The following IL1RAPL1 variants were observed in gnomAD, a reference collection of about 807,000 sequenced individuals.
IL1RAPL1 encodes the protein interleukin-1 receptor accessory protein-like 1.
In IL1RAPL1, 3 loss-of-function variants were observed where a neutral mutation model predicts 48.4. That is an observed-to-expected ratio of 0.06 (90% CI 0.03 to 0.16). IL1RAPL1 has a LOEUF of 0.16. Among genes scored for constraint, IL1RAPL1 ranks in the 10% least tolerant of loss-of-function variants. The pLI, the probability that IL1RAPL1 is intolerant of heterozygous loss-of-function variation, is 1.00. For synonymous variants in IL1RAPL1, 185 were observed against 187.7 expected (o/e 0.99, Z 0.12); for missense variants, 349 against 530.6 (o/e 0.66, Z 3.36).
At chrX:29,652,377 T>C (rs1430306038) in intron 5 of IL1RAPL1, among the ~76,000 whole-genome samples, 1 of 111,270 alleles carries the variant, frequency 9.0e-6, no homozygotes, top group African/African-American at 3.3e-5. Context: ...ACCTACAAGT[T>C]GACATCTGTG....
At chrX:29,592,567 T>C (rs1328000786) in intron 5 of IL1RAPL1, among the ~76,000 whole-genome samples, 2 of 111,868 alleles carry the variant, frequency 1.8e-5, no homozygotes, top group East Asian at 5.6e-4. Flanking sequence ...TATTTCTTTC[T>C]GGTTTACCTC....
chrX:28,951,765 C>T (rs1358515332), intron 2 of IL1RAPL1, among the ~76,000 whole-genome samples: 1 of 111,648 alleles, frequency 9.0e-6, no homozygotes, highest in Non-Finnish European at 1.9e-5. Context: ...CAATGTAGTT[C>T]ACTATAGTGG....
chrX:29,956,031 T>G lies in IL1RAPL1; in HGVS notation c.*211T>G, dbSNP rs1933414436. 1 of 422,363 alleles carries G rather than the reference T, an allele frequency of 2.4e-6. No homozygotes were observed. The highest frequency in any genetic ancestry group is 2.5e-5 in the African/African-American group (1 of 40,355). The allele number at this position is 422,363 out of a possible 1,213,427, so 34.8% of individuals were successfully genotyped here. The stretch of plus-strand genomic sequence containing the variant: ...ACCATGTCTTTTACCATTACATTTT[T>G]TGACTTTGTTTTATATGTCGTTGGA... On this transcript the variant is annotated 3_prime_UTR_variant, in exon 11 of 11. Coordinates refer to ENST00000378993, the MANE Select transcript of IL1RAPL1 (RefSeq NM_014271.4).
chrX:29,832,818 C>G (rs1158876596), intron 6 of IL1RAPL1, among the ~76,000 whole-genome samples: 4 of 108,912 alleles, frequency 3.7e-5, no homozygotes, highest in Admixed American at 9.9e-5. Context: ...AAGCCCCCCA[C>G]CTCCCTTTAC....
chrX:29,918,525 A>C (rs898417029), intron 7 of IL1RAPL1, among the ~76,000 whole-genome samples: 26 of 108,066 alleles, frequency 2.4e-4, no homozygotes, highest in Middle Eastern at 9.5e-3. Flanking sequence ...AAAAAAAAAA[A>C]ATTTTCACAG....
In IL1RAPL1 at chrX:29,792,317, T is replaced by G. The variant is rs191890129; in HGVS notation, c.778+123813T>G. Among the ~76,000 whole-genome samples the G allele has an allele frequency of 6.1e-4, 68 of 112,181 alleles. 1 individual carries two copies. In the Admixed American group the frequency reaches 6.4e-3, roughly 11 times the overall value. On this transcript the variant is annotated intron_variant, in intron 6 of 10. Transcript: ENST00000378993. ...TCTACCTCCAACTACTGGTCCTCAC[T>G]GAGTCTTGAAATCCCACATTTAGAG...
intron 6 of IL1RAPL1, among the ~76,000 whole-genome samples, chrX:29,811,324 G>T (rs1930377005): frequency 9.0e-6 from 1 of 110,754 alleles, no homozygotes; most frequent in Non-Finnish European, 1.9e-5. Flanking sequence ...TAGGCTATCT[G>T]CAAGCTGAGG....
chrX:28,669,053 A>T (rs1456207508), intron 1 of IL1RAPL1, among the ~76,000 whole-genome samples: 5 of 111,518 alleles, frequency 4.5e-5, no homozygotes, highest in Non-Finnish European at 7.5e-5. Context: ...TGATATGTTG[A>T]ACTTATAAAA....
intron 2 of IL1RAPL1, among the ~76,000 whole-genome samples, chrX:28,890,012 A>G (rs1461381504): frequency 8.9e-6 from 1 of 111,785 alleles, no homozygotes; most frequent in Non-Finnish European, 1.9e-5. Flanking sequence ...AAACTCTGAT[A>G]GTTGCTTTAA....
At chrX:29,008,261 C>A (rs1926033416) in intron 2 of IL1RAPL1, among the ~76,000 whole-genome samples, 1 of 110,742 alleles carries the variant, frequency 9.0e-6, no homozygotes, top group African/African-American at 3.3e-5. Context: ...GCTCCGCCTC[C>A]CGGGTTCACA....
intron 5 of IL1RAPL1, among the ~76,000 whole-genome samples, chrX:29,493,141 T>G (rs946911478): frequency 1.8e-5 from 2 of 112,072 alleles, no homozygotes; most frequent in African/African-American, 6.5e-5. Context: ...CAGTTAAATT[T>G]GTGTTTATTC....
At position 29,713,988 on chromosome X, in the gene IL1RAPL1, C is replaced by T. The variant is rs746961690; in HGVS notation, c.778+45484C>T. On this transcript the variant is annotated intron_variant, in intron 6 of 10. Coordinates refer to ENST00000378993, the MANE Select transcript of IL1RAPL1 (RefSeq NM_014271.4). ...TACACAGAGAATGAATTCTTTCTTC[C>T]CTTAAAACAGTGTTGGGTAATGTTC... 2.2e-4 allele frequency among the ~76,000 whole-genome samples: 25 copies of T among 111,233 alleles called. No homozygotes were observed. In the South Asian group the frequency reaches 9.0e-3, roughly 40 times the overall value.
At chrX:29,235,172 C>T (rs966950747) in intron 2 of IL1RAPL1, among the ~76,000 whole-genome samples, 1 of 112,187 alleles carries the variant, frequency 8.9e-6, no homozygotes, top group Non-Finnish European at 1.9e-5. Context: ...CTGCATTAGT[C>T]AGTCACATTG....
intron 3 of IL1RAPL1, among the ~76,000 whole-genome samples, chrX:29,301,340 CT>C (rs1397805014): frequency 8.9e-6 from 1 of 111,859 alleles, no homozygotes; most frequent in East Asian, 2.8e-4. Context: ...TCATTGTTAC[CT>C]TTGGATTGAC....
intron 1 of IL1RAPL1, among the ~76,000 whole-genome samples, chrX:28,745,884 A>G (rs1406349813): frequency 1.8e-5 from 2 of 112,028 alleles, no homozygotes; most frequent in African/African-American, 6.5e-5. Flanking sequence ...AGTTGGGAAT[A>G]ATCCAGTAAA....
intron 5 of IL1RAPL1, among the ~76,000 whole-genome samples, chrX:29,556,874 G>A (rs755130435): frequency 3.6e-5 from 4 of 111,578 alleles, no homozygotes; most frequent in Admixed American, 1.9e-4. Context: ...AGAATTGCTT[G>A]TGAAGCTTTC....
intron 2 of IL1RAPL1, among the ~76,000 whole-genome samples, chrX:28,808,350 G>A (rs146971873): frequency 6.9e-4 from 77 of 111,258 alleles, no homozygotes; most frequent in African/African-American, 2.2e-3. Context: ...CTGTAAATTA[G>A]TGTTCAATGA....
chrX:29,796,617 T>C (rs1395267761), intron 6 of IL1RAPL1, among the ~76,000 whole-genome samples: 1 of 112,365 alleles, frequency 8.9e-6, no homozygotes, highest in Non-Finnish European at 1.9e-5. Flanking sequence ...TAGAATGTTG[T>C]ATTTGTTATA....
chrX:29,016,445 T>C (rs1441166149), intron 2 of IL1RAPL1, among the ~76,000 whole-genome samples: 1 of 111,548 alleles, frequency 9.0e-6, no homozygotes, highest in Non-Finnish European at 1.9e-5. Flanking sequence ...ATATATATAA[T>C]CTTCTTAAAA....
Sources: allele counts gnomAD v4.1 joint callset (sites outside exome capture counted in the v4.1 genomes callset), GRCh38; gene constraint gnomAD v4.1.1; transcripts MANE v1.5; gene names NCBI Gene and HGNC (gene_info 2026-07-23, HGNC 2026-07-21).